RBM46: variants seen among roughly 807,000 people sequenced by gnomAD.
The protein encoded by RBM46 is probable RNA-binding protein 46.
RBM46 carries 12 observed loss-of-function variants against 43.3 expected under a neutral mutation model. The observed-to-expected ratio is 0.28, with a 90% CI of 0.18 to 0.45. The LOEUF is 0.45. RBM46 is among the 20% of genes least tolerant of loss of function. The pLI, the probability that RBM46 is intolerant of heterozygous loss-of-function variation, is 1.00. For synonymous variants in RBM46, 205 were observed against 207.6 expected (o/e 0.99, Z 0.11); for missense variants, 412 against 639.1 (o/e 0.64, Z 3.83).
chr4:154,815,247 T>C (rs1268560536), intron 4 of RBM46, among the ~76,000 whole-genome samples: 2 of 151,968 alleles, frequency 1.3e-5, no homozygotes, highest in Non-Finnish European at 1.5e-5. Flanking sequence ...TAAAGAACTA[T>C]CAGTTTGGGG....
At chr4:154,811,721 C>A (rs940106483) in intron 4 of RBM46, among the ~76,000 whole-genome samples, 3 of 150,308 alleles carry the variant, frequency 2.0e-5, no homozygotes, top group African/African-American at 7.4e-5. Flanking sequence ...CGCTGTGTCA[C>A]CCAGGCTGGA....
chr4:154,784,084 T>G (rs2111078710), intron 1 of RBM46, among the ~76,000 whole-genome samples: 1 of 152,342 alleles, frequency 6.6e-6, no homozygotes, highest in South Asian at 2.1e-4. Context: ...AATCAGGAGT[T>G]TAGTACCATG....
chr4:154,796,157 ACT>A (rs1734341438), intron 1 of RBM46, among the ~76,000 whole-genome samples: 1 of 152,060 alleles, frequency 6.6e-6, no homozygotes, highest in South Asian at 2.1e-4. Context: ...ACAAAGTGAG[ACT>A]CTGTCTCAAA....
chr4:154,800,704 G>A (rs1734593387), intron 4 of RBM46, among the ~76,000 whole-genome samples: 1 of 151,070 alleles, frequency 6.6e-6, no homozygotes, highest in East Asian at 2.0e-4. Flanking sequence ...TATTGGAAGA[G>A]TAGTGGTTTC....
intron 4 of RBM46, among the ~76,000 whole-genome samples, chr4:154,822,899 A>T (rs542574973): frequency 6.6e-6 from 1 of 151,826 alleles, no homozygotes; most frequent in Non-Finnish European, 1.5e-5. Context: ...GAATTACTGT[A>T]TGACTCAGCA....
chr4:154,786,601 G>A (rs1378191745), intron 1 of RBM46, among the ~76,000 whole-genome samples: 1 of 150,122 alleles, frequency 6.7e-6, no homozygotes, highest in African/African-American at 2.5e-5. Context: ...TAATAAATGT[G>A]TGAGGATATT....
At chr4:154,825,817 CCT>C (rs575131129) in intron 4 of RBM46, among the ~76,000 whole-genome samples, 129 of 152,278 alleles carry the variant, frequency 8.5e-4, no homozygotes, top group African/African-American at 2.9e-3. Context: ...CCTGAAGATA[CCT>C]TCAGTATCCA....
intron 4 of RBM46, among the ~76,000 whole-genome samples, chr4:154,819,468 TTTC>T (rs1345776088): frequency 6.6e-6 from 1 of 152,190 alleles, no homozygotes; most frequent in East Asian, 1.9e-4. Context: ...ACGTTTGGGT[TTTC>T]TTCTTGTCTG....
intron 4 of RBM46, among the ~76,000 whole-genome samples, chr4:154,811,669 C>CTGTGTGTGTGTGTGTG (rs70947182): frequency 5.6e-4 from 73 of 130,834 alleles, no homozygotes; most frequent in African/African-American, 1.9e-3. Context: ...GTGTGTGTGT[C>CTGTGTGTGTGTGTGTG]TGTGTGTGTG....
intron 1 of RBM46, chr4:154,787,076 T>C (rs901987571): frequency 2.6e-5 from 4 of 152,170 alleles, no homozygotes; most frequent in Non-Finnish European, 5.9e-5. Flanking sequence ...TGGAGATAGA[T>C]CTTTATAATA....
intron 4 of RBM46, among the ~76,000 whole-genome samples, chr4:154,815,216 CTG>C (rs1376160842): frequency 2.0e-5 from 3 of 151,920 alleles, no homozygotes; most frequent in Non-Finnish European, 4.4e-5. Flanking sequence ...ATATAACTTG[CTG>C]TCTTTGTTGA....
chr4:154,797,589 T>G (rs754097719), intron 2 of RBM46, among the ~76,000 whole-genome samples: 27 of 152,186 alleles, frequency 1.8e-4, no homozygotes, highest in Non-Finnish European at 3.2e-4. Context: ...ACCACTCCCT[T>G]GATTTTCTTC....
chr4:154,822,221 C>G (rs975537209), intron 4 of RBM46, among the ~76,000 whole-genome samples: 1 of 151,608 alleles, frequency 6.6e-6, no homozygotes, highest in Non-Finnish European at 1.5e-5. Context: ...TCTTTCACCC[C>G]CAAAAGTTGC....
At chr4:154,798,705 G>A in intron 3 of RBM46, 77 bp from the exon 4 acceptor site, 1 of 1,143,936 alleles carries the variant, frequency 8.7e-7, no homozygotes, top group South Asian at 2.4e-5. Context: ...GCTTCTCTGG[G>A]GAAACAGTTT....
At chr4:154,806,940 T>G (rs1459727318) in intron 4 of RBM46, among the ~76,000 whole-genome samples, 1 of 151,850 alleles carries the variant, frequency 6.6e-6, no homozygotes, top group Admixed American at 6.6e-5. Flanking sequence ...TTTTATTTAC[T>G]TCATAAATCT....
intron 4 of RBM46, among the ~76,000 whole-genome samples, chr4:154,806,040 A>G (rs1734891823): frequency 6.6e-6 from 1 of 151,938 alleles, no homozygotes; most frequent in African/African-American, 2.4e-5. Context: ...TTGTTTTCAT[A>G]TGACCAAGTG....
intron 1 of RBM46, among the ~76,000 whole-genome samples, chr4:154,782,487 TTTTTG>T (rs1381283036): frequency 6.6e-6 from 1 of 152,168 alleles, no homozygotes; most frequent in Admixed American, 6.5e-5. Flanking sequence ...TTTGTTTTGT[TTTTTG>T]TTTTGTTTTG....
chr4:154,797,075 A>G (rs1366147686), intron 2 of RBM46, among the ~76,000 whole-genome samples, 172 bp downstream of exon 2: 1 of 151,646 alleles, frequency 6.6e-6, no homozygotes, highest in Non-Finnish European at 1.5e-5. Flanking sequence ...ATGTCTTACC[A>G]TTACATTTTT....
chr4:154,796,558 T>C (rs1311261673), intron 1 of RBM46, among the ~76,000 whole-genome samples, 184 bp from the exon 2 acceptor site: 2 of 152,200 alleles, frequency 1.3e-5, no homozygotes, highest in African/African-American at 4.8e-5. Flanking sequence ...GTCAGTGACA[T>C]TGAAAGAAGT....
Sources: allele counts gnomAD v4.1 joint callset (sites outside exome capture counted in the v4.1 genomes callset), GRCh38; gene constraint gnomAD v4.1.1; transcripts MANE v1.5; gene names NCBI Gene and HGNC (gene_info 2026-07-23, HGNC 2026-07-21).